CRISP2: variants seen among roughly 807,000 people sequenced by gnomAD.
CRISP2 encodes the protein cysteine rich secretory protein 2.
Under a neutral mutation model 31.7 loss-of-function variants are expected in CRISP2, and 29 were observed. That is an observed-to-expected ratio of 0.92 (90% confidence interval 0.68 to 1.25). The LOEUF (loss-of-function observed/expected upper bound fraction) is 1.25. CRISP2 is among the 50% of genes most tolerant of loss of function. The pLI is 0.00. For missense variants in CRISP2, 318 were observed against 286.5 expected (o/e 1.11, Z -0.79); for synonymous variants, 111 against 101.4 (o/e 1.09, Z -0.57).
chr6:49,688,850 T>C (rs1763964148), downstream of CRISP2, among the ~76,000 whole-genome samples: 1 of 152,148 alleles, frequency 6.6e-6, no homozygotes, highest in Non-Finnish European at 1.5e-5. Flanking sequence ...CCCTAGATTA[T>C]GATTTTCTCT....
intron 9 of CRISP2, among the ~76,000 whole-genome samples, chr6:49,693,492 G>A (rs1034653478): frequency 1.1e-4 from 16 of 151,996 alleles, no homozygotes; most frequent in African/African-American, 3.4e-4. Flanking sequence ...AGGACAATAC[G>A]CCCTTTTCCT....
At chr6:49,680,518 A>G in the CRISP2 span, among the ~76,000 whole-genome samples, 1 of 152,226 alleles carries the variant, frequency 6.6e-6, no homozygotes, top group East Asian at 1.9e-4. Context: ...GTATATACCC[A>G]GTAATGGGAT....
the CRISP2 span, among the ~76,000 whole-genome samples, chr6:49,680,159 A>G: frequency 2.6e-5 from 4 of 151,946 alleles, no homozygotes; most frequent in Admixed American, 1.3e-4. Context: ...TGCATCCTCC[A>G]CCCTCTGATA....
the CRISP2 span, among the ~76,000 whole-genome samples, chr6:49,685,677 A>G: frequency 1.3e-5 from 2 of 152,214 alleles, no homozygotes; most frequent in South Asian, 2.1e-4. Flanking sequence ...TATTGACTGG[A>G]GTCAAACATT....
chr6:49,678,452 A>G, the CRISP2 span, among the ~76,000 whole-genome samples: 3 of 152,206 alleles, frequency 2.0e-5, no homozygotes, highest in Admixed American at 2.0e-4. Flanking sequence ...AAAAATTTCC[A>G]TCTTATTACA....
intron 9 of CRISP2, among the ~76,000 whole-genome samples, 176 bp downstream of exon 9, chr6:49,695,660 T>C (rs537210208): frequency 6.6e-6 from 1 of 152,338 alleles, no homozygotes; most frequent in East Asian, 1.9e-4. Flanking sequence ...ACAAATAATA[T>C]GTAGCTCCTG....
chr6:49,691,683 A>G (rs1045929762), downstream of CRISP2, among the ~76,000 whole-genome samples: 1 of 151,992 alleles, frequency 6.6e-6, no homozygotes, highest in African/African-American at 2.4e-5. Flanking sequence ...TCTCCCATGT[A>G]ATTTTCTGGA....
At chr6:49,681,341 C>CTGTTTTTGTTATAAA in the CRISP2 span, among the ~76,000 whole-genome samples, 2 of 152,114 alleles carry the variant, frequency 1.3e-5, no homozygotes, top group East Asian at 3.8e-4. Context: ...CTATTCTGTT[C>CTGTTTTTGTTATAAA]CACTGGTCTG....
At chr6:49,710,543 T>C (rs1194955661) in intron 3 of CRISP2, among the ~76,000 whole-genome samples, 1 of 152,216 alleles carries the variant, frequency 6.6e-6, no homozygotes, top group Non-Finnish European at 1.5e-5. Context: ...CCCTTATTAA[T>C]ACATAACTGT....
intron 8 of CRISP2, among the ~76,000 whole-genome samples, chr6:49,697,064 A>G (rs917156028): frequency 2.0e-5 from 3 of 152,180 alleles, no homozygotes; most frequent in Admixed American, 1.3e-4. Flanking sequence ...CTGGAATCGT[A>G]CATCATCTTC....
rs138248133 is a variant in CRISP2, at chr6:49,708,539, C to A, written c.66+592G>T. Among the ~76,000 whole-genome samples, 1,099 of 152,194 alleles carry A rather than the reference C, an allele frequency of 7.2e-3. 13 individuals carry two copies. The highest frequency in any genetic ancestry group is 0.025 in the African/African-American group (1,031 of 41,522). On this transcript the variant is annotated intron_variant, in intron 4 of 9. Transcript: ENST00000339139. ...GGAGGCAGAGATTGGAGTGATGCAG[C>A]CACAAGCCAAGGAATGCCAAGCAGT...
At chr6:49,699,284 C>T (rs1049175525) in intron 6 of CRISP2, among the ~76,000 whole-genome samples, 3 of 151,668 alleles carry the variant, frequency 2.0e-5, no homozygotes, top group Non-Finnish European at 2.9e-5. Context: ...ATTTTGAATA[C>T]GATAAATTTA....
At chr6:49,689,183 C>T (rs1469031178), downstream of CRISP2, among the ~76,000 whole-genome samples, 2 of 152,022 alleles carry the variant, frequency 1.3e-5, no homozygotes, top group African/African-American at 4.8e-5. Context: ...TTATGAATTT[C>T]TGATGAAAGA....
At chr6:49,706,571 A>G (rs1433400053) in intron 4 of CRISP2, among the ~76,000 whole-genome samples, 1 of 152,194 alleles carries the variant, frequency 6.6e-6, no homozygotes, top group Non-Finnish European at 1.5e-5. Flanking sequence ...GAGGTGGAAT[A>G]GGATGTGAAA....
At chr6:49,682,617 TTC>T in the CRISP2 span, among the ~76,000 whole-genome samples, 1 of 68,578 alleles carries the variant, frequency 1.5e-5, no homozygotes, top group Non-Finnish European at 2.5e-5. Context: ...CTTTCTTTCT[TTC>T]TTTCTTTCTT....
At chr6:49,688,507 C>T (rs909013519), downstream of CRISP2, among the ~76,000 whole-genome samples, 1 of 151,934 alleles carries the variant, frequency 6.6e-6, no homozygotes. Flanking sequence ...AGCAACCTAG[C>T]TGGTAACTAA....
upstream of CRISP2, among the ~76,000 whole-genome samples, chr6:49,713,958 C>T (rs1768444895): frequency 6.6e-6 from 1 of 152,170 alleles, no homozygotes; most frequent in Non-Finnish European, 1.5e-5. Flanking sequence ...ATGCCAACGA[C>T]GCACTCCAGT....
In CRISP2 at chr6:49,692,716, G is replaced by T; in HGVS notation, c.*57C>A. On this transcript the variant is annotated 3_prime_UTR_variant, in exon 10 of 10. Transcript: ENST00000339139. ...TACATACAATTTCCACTGGTATGTC[G>T]CAATTAAATGATGCAGCCCTTATCC... is the stretch of plus-strand genomic sequence containing the variant. 4 of 1,485,486 alleles carry T rather than the reference G, an allele frequency of 2.7e-6. No homozygotes were observed. Among genetic ancestry groups the T allele is most frequent in the South Asian group, 1.4e-5 (1 of 72,754 alleles). 92.0% of individuals were successfully genotyped at this position (1,485,486 alleles called of 1,614,324 possible). A position where few individuals can be genotyped will look rare whatever the true frequency, so the allele number is the denominator to read the frequency against.
the CRISP2 span, among the ~76,000 whole-genome samples, chr6:49,687,239 CT>C: frequency 6.6e-6 from 1 of 152,190 alleles, no homozygotes; most frequent in East Asian, 1.9e-4. Context: ...AAGCCTAAAA[CT>C]TTAATTTTAA....
Sources: gnomAD v4.1 joint callset for allele counts (sites outside exome capture counted in the v4.1 genomes callset) on GRCh38, gnomAD v4.1.1 for gene constraint, MANE v1.5 for transcripts, NCBI Gene and HGNC (gene_info 2026-07-23, HGNC 2026-07-21) for gene names.